The following EXTL2 variants were observed in gnomAD, a reference collection of about 807,000 sequenced individuals.
EXTL2 encodes the protein exostosin like glycosyltransferase 2, also known as exostosin-like 2.
In EXTL2, 23 loss-of-function variants were observed where a neutral mutation model predicts 30.7. That is an observed-to-expected ratio of 0.75 (90% CI 0.54 to 1.06). EXTL2 has a LOEUF of 1.06. EXTL2 is among the 50% of genes least tolerant of loss of function. The pLI is 0.00. For missense variants in EXTL2, 352 were observed against 396.3 expected (o/e 0.89, Z 0.95); for synonymous variants, 123 against 133.8 (o/e 0.92, Z 0.56).
At chr1:100,884,029 G>A (rs942767054) in intron 2 of EXTL2, among the ~76,000 whole-genome samples, 50 of 152,118 alleles carry the variant, frequency 3.3e-4, no homozygotes, top group East Asian at 1.9e-4. Context: ...AAGAAACACC[G>A]TTGAAGGATT....
intron 2 of EXTL2, among the ~76,000 whole-genome samples, chr1:100,886,305 T>C (rs948883453): frequency 6.6e-6 from 1 of 152,228 alleles, no homozygotes. Context: ...TTAAATAGAA[T>C]GATGTTGCTG....
At position 100,876,821 on chromosome 1, in the gene EXTL2, G is replaced by A. The variant is rs1252179643; in HGVS notation, c.477C>T (p.Asp159=). Residue 159 remains aspartate, a synonymous_variant, in exon 4 of 5, where the codon GAC becomes GAT. Transcript: ENST00000370114. ...VDDDTLISTP[D]LVFAFSVWQQ... The stretch of plus-strand genomic sequence containing the variant: ...GCCAAACTGAGAAAGCAAAAACAAG[G>A]TCTGGGGTGCTGATGAGTGTGTCAT... 1 of 1,612,124 alleles carries A rather than the reference G, an allele frequency of 6.2e-7. No individual in the cohort carries two copies. The highest frequency in any genetic ancestry group is 8.5e-7 in the Non-Finnish European group (1 of 1,178,658).
At chr1:100,891,374 G>A (rs1650410795) in intron 1 of EXTL2, among the ~76,000 whole-genome samples, 2 of 152,122 alleles carry the variant, frequency 1.3e-5, no homozygotes, top group African/African-American at 4.8e-5. Flanking sequence ...TCAAGACAGG[G>A]GAATTGCAAA....
chr1:100,894,342 C>T (rs61780286), intron 1 of EXTL2, among the ~76,000 whole-genome samples: 16,932 of 151,950 alleles, frequency 0.11, 1,205 homozygotes, highest in Non-Finnish European at 0.16. Flanking sequence ...AGAGTAAATG[C>T]TACTAATTTT....
rs1224429962 is a variant in EXTL2 at position 100,872,504 on chromosome 1, T to C, written c.*1438A>G. ...TATCGATTTTTAGTAAGATTCTTAG[T>C]TTCTTTGTTTTTGTTTTTTACAATC... On this transcript the variant is annotated 3_prime_UTR_variant, in exon 5 of 5. Transcript: ENST00000370114. 1 of 152,466 alleles carries C rather than the reference T, an allele frequency of 6.6e-6. No individual in the cohort carries two copies. The highest frequency in any genetic ancestry group is 1.5e-5 in the Non-Finnish European group (1 of 67,978). 9.4% of individuals were successfully genotyped at this position (152,466 alleles called of 1,614,324 possible). A position where few individuals can be genotyped will look rare whatever the true frequency, so the allele number is the denominator to read the frequency against.
intron 4 of EXTL2, among the ~76,000 whole-genome samples, chr1:100,875,776 T>G (rs1280290530): frequency 1.3e-5 from 2 of 152,094 alleles, no homozygotes; most frequent in Non-Finnish European, 2.9e-5. Flanking sequence ...TGGTTCCAAT[T>G]AACCACAGTC....
At chr1:100,875,903 C>T (rs1649073526) in intron 4 of EXTL2, among the ~76,000 whole-genome samples, 1 of 151,944 alleles carries the variant, frequency 6.6e-6, no homozygotes, top group African/African-American at 2.4e-5. Flanking sequence ...TCATGTATTT[C>T]ATTTCATTCC....
intron 2 of EXTL2, among the ~76,000 whole-genome samples, chr1:100,883,083 C>T (rs1441514626): frequency 6.6e-6 from 1 of 152,186 alleles, no homozygotes; most frequent in Non-Finnish European, 1.5e-5. Flanking sequence ...TCTGATGGCA[C>T]AGTCCACAAC....
At chr1:100,892,136 G>A (rs1650477459) in intron 1 of EXTL2, among the ~76,000 whole-genome samples, 1 of 152,182 alleles carries the variant, frequency 6.6e-6, no homozygotes, top group South Asian at 2.1e-4. Flanking sequence ...ATTGTTTCTA[G>A]GTGTATTTGG....
rs1365743926 is a variant in EXTL2, at chr1:100,872,401, T to C, written c.*1541A>G. The C allele has an allele frequency of 6.6e-6, 1 of 152,468 alleles. No individual in the cohort carries two copies. The highest frequency in any genetic ancestry group is 1.5e-5 in the Non-Finnish European group (1 of 67,972). The allele number at this position is 152,468 out of a possible 1,614,324, so 9.4% of individuals were successfully genotyped here. A position where few individuals can be genotyped will look rare whatever the true frequency, so the allele number is the denominator to read the frequency against. On this transcript the variant is annotated 3_prime_UTR_variant, in exon 5 of 5. Coordinates refer to ENST00000370114, the MANE Select transcript of EXTL2 (RefSeq NM_001033025.3). ...CACAGAACACATGGATGGCAAAAGTTTCTTTTATTTATCTGCTAGAGGAAT... is the reference window on the plus strand; with the variant it reads ...CACAGAACACATGGATGGCAAAAGTCTCTTTTATTTATCTGCTAGAGGAAT...
In EXTL2 at chr1:100,877,765, C is replaced by T; in HGVS notation, c.144G>A (p.Met48Ile). ...ALLPSVKEDKMLMLRREIKSQ... is the reference protein window; with the variant it reads ...ALLPSVKEDKILMLRREIKSQ... ...ATTTTATTTCCCTACGCAACATGAG[C>T]ATCTTGTCTTCTTTAACACTGGGAA... The change falls in exon 3 of 5, where the codon ATG becomes ATA. Residue 48 changes from methionine to isoleucine, a missense_variant. By Grantham distance (10) the Met-to-Ile change is conservative (BLOSUM62 1). Coordinates refer to ENST00000370114, the MANE Select transcript of EXTL2 (RefSeq NM_001033025.3). The surrounding 1 kb of genome is among the most constrained non-coding windows in gnomAD (Gnocchi z 4.1). 1 of 1,613,016 alleles carries T rather than the reference C, an allele frequency of 6.2e-7. No individual in the cohort carries two copies. The highest frequency in any genetic ancestry group is 8.5e-7 in the Non-Finnish European group (1 of 1,179,640).
chr1:100,880,943 C>T (rs1649504833), intron 2 of EXTL2: 1 of 960,862 alleles, frequency 1.0e-6, no homozygotes, highest in Non-Finnish European at 1.2e-6. Flanking sequence ...CCGTTGAAGA[C>T]ACTCATGAGT....
At chr1:100,883,396 C>T (rs762852629) in intron 2 of EXTL2, among the ~76,000 whole-genome samples, 2 of 152,192 alleles carry the variant, frequency 1.3e-5, no homozygotes, top group African/African-American at 4.8e-5. Flanking sequence ...TCCCTTAACC[C>T]CTGACCTCCA....
chr1:100,881,004 C>T, intron 2 of EXTL2: 1 of 983,810 alleles, frequency 1.0e-6, no homozygotes. Context: ...TCCCCTGTAT[C>T]CATCACAGAC....
intron 2 of EXTL2, chr1:100,880,887 A>G: frequency 1.2e-6 from 1 of 869,478 alleles, no homozygotes; most frequent in African/African-American, 1.8e-5. Context: ...GTTTTAATCT[A>G]GAAAAAGTAA....
chr1:100,877,647 C>T lies in EXTL2; in HGVS notation c.262G>A (p.Ala88Thr), dbSNP rs755402148. The change falls in exon 3 of 5, where the codon GCT (alanine) becomes ACT (threonine). Residue 88 changes from alanine (A) to threonine (T), a missense_variant. Ala to Thr is a moderately conservative substitution (Grantham distance 58). Transcript: ENST00000370114. This position sits in a 1 kb window ranked among gnomAD's most constrained non-coding sequence, Gnocchi z 4.1. Reference protein sequence around the residue: ...LLLKLLNHYQAVPNLHKVIVV... With the variant: ...LLLKLLNHYQTVPNLHKVIVV... ...ATCACTTTGTGCAGATTTGGTACAG[C>T]CTGATAATGATTTAAAAGTTTCAAT... 1.2e-5 allele frequency: 20 copies of T among 1,613,492 alleles called. No individual in the cohort carries two copies. Among genetic ancestry groups the T allele is most frequent in the Middle Eastern group, 3.3e-4 (2 of 6,076 alleles).
At position 100,874,722 on chromosome 1, in the gene EXTL2, A is replaced by C. The variant is rs186998577; in HGVS notation, c.505-292T>G. Among the ~76,000 whole-genome samples the C allele has an allele frequency of 1.1e-3, 173 of 152,180 alleles. 1 individual carries two copies. Among genetic ancestry groups the C allele is most frequent in the African/African-American group, 4.1e-3 (169 of 41,560 alleles). On this transcript the variant is annotated intron_variant, in intron 4 of 4. Coordinates refer to ENST00000370114, the MANE Select transcript of EXTL2 (RefSeq NM_001033025.3). ...TGACATTAACAAATTCCAGTCACCA[A>C]AGAGTCCAATCCTTCAAAATGTGCT... is the stretch of plus-strand genomic sequence containing the variant.
chr1:100,888,082 A>T (rs775736374), intron 2 of EXTL2, among the ~76,000 whole-genome samples: 3 of 152,220 alleles, frequency 2.0e-5, no homozygotes, highest in Non-Finnish European at 4.4e-5. Flanking sequence ...CTCTATACAT[A>T]CTGACTTCAT....
At chr1:100,891,421 G>C (rs1359290184) in intron 1 of EXTL2, among the ~76,000 whole-genome samples, 1 of 152,216 alleles carries the variant, frequency 6.6e-6, no homozygotes, top group Admixed American at 6.5e-5. Context: ...GGTTGTGCGG[G>C]AGACCAGAGT....
Sources: allele counts gnomAD v4.1 joint callset (sites outside exome capture counted in the v4.1 genomes callset), GRCh38; gene constraint gnomAD v4.1.1; non-coding constraint Gnocchi (gnomAD v3.1); transcripts MANE v1.5; gene names NCBI Gene and HGNC (gene_info 2026-07-23, HGNC 2026-07-21).